PLAGL1: variants seen among roughly 807,000 people sequenced by gnomAD.
The protein encoded by PLAGL1 is zinc finger protein PLAGL1.
PLAGL1 carries 1 observed loss-of-function variant against 4.6 expected under a neutral mutation model. The ratio of observed to expected loss-of-function variants is 0.22; its 90% CI spans 0.08 to 1.03. The LOEUF (loss-of-function observed/expected upper bound fraction) is 1.03. Ranked by LOEUF, PLAGL1 falls within the 50% of genes least tolerant of loss-of-function variation. The pLI is 0.58. For missense variants in PLAGL1, 464 were observed against 570.4 expected, an observed-to-expected ratio of 0.81 and a Z score of 1.90; for synonymous variants, 240 against 237.8, an observed-to-expected ratio of 1.01 and a Z score of -0.08.
At chr6:144,009,460 A>G (rs1322252571), upstream of PLAGL1, among the ~76,000 whole-genome samples, 1 of 152,214 alleles carries the variant, frequency 6.6e-6, no homozygotes, top group Admixed American at 6.5e-5. Flanking sequence ...AGTTGGGTAA[A>G]TATTTTCAAT....
intron 1 of PLAGL1, among the ~76,000 whole-genome samples, chr6:144,040,875 T>TCAAAAA (rs751795251): frequency 1.8e-4 from 27 of 152,102 alleles, no homozygotes; most frequent in East Asian, 1.3e-3. Flanking sequence ...AGACTCTGTC[T>TCAAAAA]CAAAAACAAA....
chr6:143,970,876 A>G lies in PLAGL1; in HGVS notation c.-543-1898T>C, dbSNP rs1785291750. Among the ~76,000 whole-genome samples, 1 of 152,208 alleles carries G rather than the reference A, an allele frequency of 6.6e-6. No individual in the cohort carries two copies. Among genetic ancestry groups the G allele is most frequent in the African/African-American group, 2.4e-5 (1 of 41,458 alleles). On this transcript the variant is annotated intron_variant, in intron 2 of 7. Coordinates refer to ENST00000674357, the MANE Select transcript of PLAGL1 (RefSeq NM_001317162.2). This position sits in a 1 kb window ranked among gnomAD's most constrained non-coding sequence, Gnocchi z 5.8. ...AAGACCACAATTTTTAACTGCAGTT[A>G]CTTCCCTGGCCTGTCTGTAGTTCTT...
chr6:143,986,163 C>T (rs531294785), intron 1 of PLAGL1, among the ~76,000 whole-genome samples: 1 of 151,668 alleles, frequency 6.6e-6, no homozygotes, highest in South Asian at 2.1e-4. Flanking sequence ...TCTGGGCACC[C>T]AGACTCTACC....
At chr6:144,026,641 T>C (rs1241694614) in intron 1 of PLAGL1, among the ~76,000 whole-genome samples, 1 of 152,214 alleles carries the variant, frequency 6.6e-6, no homozygotes, top group South Asian at 2.1e-4. Flanking sequence ...AATTCATCTA[T>C]ACCCAAGCCC....
intron 1 of PLAGL1, among the ~76,000 whole-genome samples, chr6:144,024,058 T>G (rs1265247223): frequency 6.6e-6 from 1 of 152,194 alleles, no homozygotes; most frequent in East Asian, 1.9e-4. Flanking sequence ...ATTACAGGCC[T>G]CAGCCACTGC....
chr6:143,975,544 CAG>C lies in PLAGL1; in HGVS notation c.-543-6568_-543-6567del, dbSNP rs201571201. Among the ~76,000 whole-genome samples, 1,412 of 152,152 alleles carry C rather than the reference CAG, an allele frequency of 9.3e-3. 25 individuals are homozygous for C. The highest frequency in any genetic ancestry group is 0.03 in the African/African-American group (1,254 of 41,550). ...CTATTATCAATGCTGAAAATCAAAA[CAG>C]TGTAAACTTGTTAAAAGGAAAAATT... On this transcript the variant is annotated intron_variant, in intron 2 of 7. Transcript: ENST00000674357. This position sits in a 1 kb window ranked among gnomAD's most constrained non-coding sequence, Gnocchi z 5.8.
At position 143,949,195 on chromosome 6, in the gene PLAGL1, C is replaced by T. The variant is rs1780482704; in HGVS notation, c.-324-735G>A. On this transcript the variant is annotated intron_variant, in intron 6 of 7. Transcript: ENST00000674357. The surrounding 1 kb of genome is among the most constrained non-coding windows in gnomAD (Gnocchi z 5.3). Reference sequence around the variant, plus strand: ...ATTCCCTGGCCCTACCCTGGAGGGCCCATCCAGCTACCTGCTGGTAGGCCA... The same window carrying T: ...ATTCCCTGGCCCTACCCTGGAGGGCTCATCCAGCTACCTGCTGGTAGGCCA... Among the ~76,000 whole-genome samples, 1 of 152,156 alleles carries T rather than the reference C, an allele frequency of 6.6e-6. No homozygotes were observed. The highest frequency in any genetic ancestry group is 1.5e-5 in the Non-Finnish European group (1 of 68,032).
intron 1 of PLAGL1, among the ~76,000 whole-genome samples, chr6:144,062,526 TTA>T (rs1799510842): frequency 6.9e-6 from 1 of 145,528 alleles, no homozygotes; most frequent in Non-Finnish European, 1.5e-5. Context: ...GAATCCTCAA[TTA>T]TATGTGTGGC....
chr6:143,999,301 G>A (rs924820854), intron 1 of PLAGL1, among the ~76,000 whole-genome samples: 11 of 152,032 alleles, frequency 7.2e-5, no homozygotes, highest in Admixed American at 2.0e-4. Context: ...TAAGTTCCTC[G>A]AGAGCAAACA....
chr6:144,056,094 C>A lies in PLAGL1; in HGVS notation c.-151+8374G>T, dbSNP rs1268893556. Among the ~76,000 whole-genome samples the A allele has an allele frequency of 6.6e-6, 1 of 151,990 alleles. No homozygotes were observed. Among genetic ancestry groups the A allele is most frequent in the Non-Finnish European group, 1.5e-5 (1 of 68,018 alleles). ...ATCCCTTTCTCCATCCCACCCCCAC[C>A]TCTGAAGAAATCTAGACCTCCAAGG... On this transcript the variant is annotated intron_variant, in intron 1 of 3. Coordinates refer to the PLAGL1 transcript ENST00000437412. The surrounding 1 kb of genome is among the most constrained non-coding windows in gnomAD (Gnocchi z 4.7).
intron 1 of PLAGL1, among the ~76,000 whole-genome samples, chr6:144,021,127 C>T (rs1002663389): frequency 6.6e-6 from 1 of 151,916 alleles, no homozygotes; most frequent in Non-Finnish European, 1.5e-5. Context: ...GACATGACAA[C>T]TGGGCATAAT....
Position 144,056,954 on chromosome 6 carries a change from C to T in PLAGL1, c.-151+7514G>A, listed in dbSNP as rs1292606813. Among the ~76,000 whole-genome samples the T allele has an allele frequency of 6.6e-6, 1 of 152,206 alleles. No homozygotes were observed. The highest frequency in any genetic ancestry group is 1.5e-5 in the Non-Finnish European group (1 of 68,046). On this transcript the variant is annotated intron_variant, in intron 1 of 3. Coordinates refer to the PLAGL1 transcript ENST00000437412. The surrounding 1 kb of genome is among the most constrained non-coding windows in gnomAD (Gnocchi z 4.7). ...GAGCCACTATGCCTGACTCTCATTT[C>T]TTTTTAGTGCTAAATAATGTCCCAT...
At chr6:143,969,288 C>T (rs1025008799) in intron 2 of PLAGL1, among the ~76,000 whole-genome samples, 6 of 152,010 alleles carry the variant, frequency 3.9e-5, no homozygotes, top group Non-Finnish European at 8.8e-5. Context: ...AGACCTCATG[C>T]AATTGGTTTT....
In PLAGL1 at chr6:144,016,529, C is replaced by G. The variant is rs898087013; in HGVS notation, c.-150-47551G>C. ...AGTATTAACCATCATAATATGTAAACGACACATGGTCCCATTCATAGGAAA... is the reference window on the plus strand; with the variant it reads ...AGTATTAACCATCATAATATGTAAAGGACACATGGTCCCATTCATAGGAAA... On this transcript the variant is annotated intron_variant, in intron 1 of 3. Transcript: ENST00000437412. The surrounding 1 kb of genome is among the most constrained non-coding windows in gnomAD (Gnocchi z 4.2). Among the ~76,000 whole-genome samples, 1 of 152,122 alleles carries G rather than the reference C, an allele frequency of 6.6e-6. No homozygotes were observed. Among genetic ancestry groups the G allele is most frequent in the African/African-American group, 2.4e-5 (1 of 41,420 alleles).
intron 1 of PLAGL1, among the ~76,000 whole-genome samples, chr6:144,028,440 C>G (rs1477704503): frequency 1.3e-5 from 2 of 152,042 alleles, no homozygotes; most frequent in African/African-American, 2.4e-5. Flanking sequence ...AAGACTCTGT[C>G]AAGTGTGATG....
chr6:144,001,922 TCA>T (rs1411839854), intron 1 of PLAGL1, among the ~76,000 whole-genome samples: 1 of 152,080 alleles, frequency 6.6e-6, no homozygotes, highest in Admixed American at 6.6e-5. Context: ...TGAGAAACTG[TCA>T]CAGATTGGAG....
chr6:144,000,182 CA>C lies in PLAGL1; in HGVS notation c.-584+7907del, dbSNP rs1211397922. 1.3e-5 allele frequency among the ~76,000 whole-genome samples: 2 copies of C among 152,162 alleles called. No individual in the cohort carries two copies. Among genetic ancestry groups the C allele is most frequent in the Non-Finnish European group, 2.9e-5 (2 of 67,998 alleles). On this transcript the variant is annotated intron_variant, in intron 1 of 7. Coordinates refer to ENST00000674357, the MANE Select transcript of PLAGL1 (RefSeq NM_001317162.2). This position sits in a 1 kb window ranked among gnomAD's most constrained non-coding sequence, Gnocchi z 4.1. ...AACATCACACTAAGCTTCAGTGCTA[CA>C]AAAGCATTCTTATGTAAGTCAGAAG... is the stretch of plus-strand genomic sequence containing the variant.
At chr6:144,032,557 G>C (rs1796910876) in intron 1 of PLAGL1, among the ~76,000 whole-genome samples, 1 of 151,898 alleles carries the variant, frequency 6.6e-6, no homozygotes, top group Non-Finnish European at 1.5e-5. Flanking sequence ...TTGTGTTTTT[G>C]GGGTTTTGTT....
At chr6:144,060,683 A>G (rs1313980724) in intron 1 of PLAGL1, among the ~76,000 whole-genome samples, 1 of 152,224 alleles carries the variant, frequency 6.6e-6, no homozygotes, top group Non-Finnish European at 1.5e-5. Context: ...CTTATTTTTC[A>G]ACGAAGAGAT....
Sources: gnomAD v4.1 joint callset for allele counts (sites outside exome capture counted in the v4.1 genomes callset) on GRCh38, gnomAD v4.1.1 for gene constraint, Gnocchi (gnomAD v3.1) non-coding constraint, MANE v1.5 for transcripts, NCBI Gene and HGNC (gene_info 2026-07-23, HGNC 2026-07-21) for gene names.